The following CCNG2 variants were observed in gnomAD, a reference collection of about 807,000 sequenced individuals.
CCNG2 encodes cyclin-G2.
In CCNG2, 20 loss-of-function variants were observed where a neutral mutation model predicts 36.5. The ratio of observed to expected loss-of-function variants is 0.55; its 90% CI spans 0.39 to 0.80. CCNG2 has a LOEUF of 0.80. CCNG2 is among the 30% of genes least tolerant of loss of function. The pLI, the probability that CCNG2 is intolerant of heterozygous loss-of-function variation, is 0.00. For missense variants in CCNG2, 358 were observed against 390.8 expected, an observed-to-expected ratio of 0.92 and a Z score of 0.71; for synonymous variants, 155 against 140.1, an observed-to-expected ratio of 1.11 and a Z score of -0.75.
At chr4:77,161,880 T>C (rs987081326) in intron 6 of CCNG2, 133 bp downstream of exon 6, 13 of 618,042 alleles carry the variant, frequency 2.1e-5, no homozygotes, top group Non-Finnish European at 2.8e-6. Flanking sequence ...ATATCTCTAG[T>C]GTTAAAGTTC....
Position 77,170,044 on chromosome 4 carries a change from A to G in CCNG2, c.*4120A>G, listed in dbSNP as rs1274543112. The G allele has an allele frequency of 3.3e-5, 5 of 152,218 alleles. No individual in the cohort carries two copies. The highest frequency in any genetic ancestry group is 1.2e-4 in the African/African-American group (5 of 41,448). The allele number at this position is 152,218 out of a possible 1,614,324, so 9.4% of individuals were successfully genotyped here. A position where few individuals can be genotyped will look rare whatever the true frequency, so the allele number is the denominator to read the frequency against. On this transcript the variant is annotated 3_prime_UTR_variant, in exon 8 of 8. Transcript: ENST00000316355. ...TATTAGTGTATTAACAGAATAAAGA[A>G]TGAACTTTAAAACACACACGCTGGT...
At position 77,159,432 on chromosome 4, in the gene CCNG2, C is replaced by T. The variant is rs1731365854; in HGVS notation, c.204C>T (p.Asn68=). 1 of 1,613,918 alleles carries T rather than the reference C, an allele frequency of 6.2e-7. No individual in the cohort carries two copies. The highest frequency in any genetic ancestry group is 1.3e-5 in the African/African-American group (1 of 75,030). Residue 68 remains asparagine (N), a synonymous_variant, in exon 3 of 8, where the codon AAC becomes AAT. Transcript: ENST00000316355. The stretch of plus-strand genomic sequence containing the variant: ...TTGAAGATTTAAGGAGTTTAGCCAA[C>T]TTTTTTGGATCTTGCACTGAAACTT... ...AKVEDLRSLA[N]FFGSCTETFV...
intron 6 of CCNG2, 43 bp from the exon 7 acceptor site, chr4:77,164,231 T>G: frequency 1.4e-6 from 2 of 1,453,264 alleles, no homozygotes; most frequent in Middle Eastern, 1.7e-4. Flanking sequence ...GCAGCAAGAT[T>G]TGGGAGACAT....
Position 77,165,841 on chromosome 4 carries a change from C to G in CCNG2, c.952C>G (p.Leu318Val). 6.2e-7 allele frequency: 1 copy of G among 1,608,364 alleles called. No individual in the cohort carries two copies. Among genetic ancestry groups the G allele is most frequent in the Non-Finnish European group, 8.5e-7 (1 of 1,176,626 alleles). The change falls in exon 8 of 8, where the codon CTC (leucine) becomes GTC (valine). Residue 318 changes from leucine to valine, a missense_variant. Transcript: ENST00000316355. ...CEDMSCGEES[L>V]SSSPPSDQEC... ...AGATATGAGTTGTGGAGAGGAGAGT[C>G]TCAGCAGCTCTCCTCCCAGTGATCA...
At position 77,159,428 on chromosome 4, in the gene CCNG2, C is replaced by T. The variant is rs558158350; in HGVS notation, c.200C>T (p.Ala67Val). The change falls in exon 3 of 8, where the codon GCC becomes GTC. Residue 67 changes from alanine to valine, a missense_variant. Physicochemically the swap from Ala to Val is moderately conservative, Grantham distance 64. Transcript: ENST00000316355. ...AAAGTTGAAGATTTAAGGAGTTTAG[C>T]CAACTTTTTTGGATCTTGCACTGAA... Reference protein sequence around the residue: ...NAKVEDLRSLANFFGSCTETF... With the variant: ...NAKVEDLRSLVNFFGSCTETF... 3.1e-6 allele frequency: 5 copies of T among 1,613,878 alleles called. No individual in the cohort carries two copies. The highest frequency in any genetic ancestry group is 1.7e-4 in the Middle Eastern group (1 of 6,058).
At position 77,167,551 on chromosome 4, in the gene CCNG2, T is replaced by C. The variant is rs929054951; in HGVS notation, c.*1627T>C. The C allele has an allele frequency of 2.0e-5, 3 of 152,192 alleles. No individual in the cohort carries two copies. Among genetic ancestry groups the C allele is most frequent in the Admixed American group, 6.5e-5 (1 of 15,284 alleles). 9.4% of individuals were successfully genotyped at this position (152,192 alleles called of 1,614,324 possible). A position where few individuals can be genotyped will look rare whatever the true frequency, so the allele number is the denominator to read the frequency against. ...TTTCAGGAGACAAAGCAAGTTTTAATCAGTTGTTTGGTTAATAAGTATGGG... is the reference window on the plus strand; with the variant it reads ...TTTCAGGAGACAAAGCAAGTTTTAACCAGTTGTTTGGTTAATAAGTATGGG... On this transcript the variant is annotated 3_prime_UTR_variant, in exon 8 of 8. Transcript: ENST00000316355.
chr4:77,169,768 C>T lies in CCNG2; in HGVS notation c.*3844C>T, dbSNP rs1014889929. The T allele has an allele frequency of 6.6e-6, 1 of 152,176 alleles. No individual in the cohort carries two copies. The highest frequency in any genetic ancestry group is 2.4e-5 in the African/African-American group (1 of 41,448). The allele number at this position is 152,176 out of a possible 1,614,324, so 9.4% of individuals were successfully genotyped here. A position where few individuals can be genotyped will look rare whatever the true frequency, so the allele number is the denominator to read the frequency against. ...TCCCAGCTGAATGTGGGTGTATCCT[C>T]AGCTACACCACAGAAAACAGAGGAA... On this transcript the variant is annotated 3_prime_UTR_variant, in exon 8 of 8. Coordinates refer to ENST00000316355, the MANE Select transcript of CCNG2 (RefSeq NM_004354.3).
chr4:77,161,254 C>T (rs895864934), intron 4 of CCNG2, among the ~76,000 whole-genome samples: 16 of 151,940 alleles, frequency 1.1e-4, no homozygotes, highest in African/African-American at 3.1e-4. Context: ...AGGCGTGCGC[C>T]ACCACACCTG....
intron 6 of CCNG2, among the ~76,000 whole-genome samples, chr4:77,163,611 G>T (rs1456701840): frequency 6.6e-6 from 1 of 152,126 alleles, no homozygotes; most frequent in Non-Finnish European, 1.5e-5. Flanking sequence ...GTGATAGCTG[G>T]AACCATCTTC....
rs1287711142 is a variant in CCNG2 at position 77,169,278 on chromosome 4, T to C, written c.*3354T>C. On this transcript the variant is annotated 3_prime_UTR_variant, in exon 8 of 8. Coordinates refer to ENST00000316355, the MANE Select transcript of CCNG2 (RefSeq NM_004354.3). The stretch of plus-strand genomic sequence containing the variant: ...CCTCCCTCATCACACATGCAAATTG[T>C]CAGCTTATTGAGACAACCCACTTAG... 3 of 152,222 alleles carry C rather than the reference T, an allele frequency of 2.0e-5. No individual in the cohort carries two copies. Among genetic ancestry groups the C allele is most frequent in the Non-Finnish European group, 4.4e-5 (3 of 68,022 alleles). 9.4% of individuals were successfully genotyped at this position (152,222 alleles called of 1,614,324 possible). A position where few individuals can be genotyped will look rare whatever the true frequency, so the allele number is the denominator to read the frequency against.
chr4:77,168,226 G>A lies in CCNG2; in HGVS notation c.*2302G>A, dbSNP rs1163954923. On this transcript the variant is annotated 3_prime_UTR_variant, in exon 8 of 8. Transcript: ENST00000316355. The stretch of plus-strand genomic sequence containing the variant: ...GCTCATCTCCTTTTGCCTGTTTATG[G>A]AGGTCACCAGCCTCTATCATTTGTA... 6.6e-6 allele frequency: 1 copy of A among 152,126 alleles called. No homozygotes were observed. Among genetic ancestry groups the A allele is most frequent in the Non-Finnish European group, 1.5e-5 (1 of 68,030 alleles). The allele number at this position is 152,126 out of a possible 1,614,324, so 9.4% of individuals were successfully genotyped here.
At chr4:77,163,435 A>G (rs1003429489) in intron 6 of CCNG2, among the ~76,000 whole-genome samples, 1 of 152,228 alleles carries the variant, frequency 6.6e-6, no homozygotes, top group African/African-American at 2.4e-5. Context: ...AAACCAGATT[A>G]CAAGTGGGTT....
chr4:77,168,338 G>T lies in CCNG2; in HGVS notation c.*2414G>T, dbSNP rs1731681565. On this transcript the variant is annotated 3_prime_UTR_variant, in exon 8 of 8. Transcript: ENST00000316355. Reference sequence around the variant, plus strand: ...AGACCTGTACTCTTTATCAGCAGAGGTACTGTAATATATTTGTGATCCCTC... The same window carrying T: ...AGACCTGTACTCTTTATCAGCAGAGTTACTGTAATATATTTGTGATCCCTC... 1 of 152,154 alleles carries T rather than the reference G, an allele frequency of 6.6e-6. No homozygotes were observed. Among genetic ancestry groups the T allele is most frequent in the Admixed American group, 6.5e-5 (1 of 15,276 alleles). 9.4% of individuals were successfully genotyped at this position (152,154 alleles called of 1,614,324 possible).
At position 77,169,602 on chromosome 4, in the gene CCNG2, A is replaced by G. The variant is rs2109928735; in HGVS notation, c.*3678A>G. The stretch of plus-strand genomic sequence containing the variant: ...TATGTCCAAGCCTAGGCTTTAAGAG[A>G]CTGGCAGCTTTCCTTTTATCCTTTT... On this transcript the variant is annotated 3_prime_UTR_variant, in exon 8 of 8. Coordinates refer to ENST00000316355, the MANE Select transcript of CCNG2 (RefSeq NM_004354.3). 6.6e-6 allele frequency: 1 copy of G among 152,350 alleles called. No individual in the cohort carries two copies. The highest frequency in any genetic ancestry group is 2.1e-4 in the South Asian group (1 of 4,826). The allele number at this position is 152,350 out of a possible 1,614,324, so 9.4% of individuals were successfully genotyped here. A position where few individuals can be genotyped will look rare whatever the true frequency, so the allele number is the denominator to read the frequency against.
intron 6 of CCNG2, among the ~76,000 whole-genome samples, chr4:77,162,958 C>T (rs1310965153): frequency 2.0e-5 from 3 of 151,762 alleles, no homozygotes; most frequent in African/African-American, 4.8e-5. Flanking sequence ...TCTTGAATGA[C>T]CAAGATTTGT....
intron 2 of CCNG2, 133 bp downstream of exon 2, chr4:77,158,803 A>T: frequency 1.2e-6 from 1 of 830,412 alleles, no homozygotes; most frequent in Non-Finnish European, 1.9e-6. Flanking sequence ...GTACCAAGAT[A>T]AACCTTATTA....
chr4:77,161,820 TTAAG>T, intron 6 of CCNG2, 73 bp downstream of exon 6: 1 of 873,474 alleles, frequency 1.1e-6, no homozygotes, highest in Non-Finnish European at 1.8e-6. Context: ...GACTTAAACA[TTAAG>T]TAATACTTTA....
chr4:77,160,531 TG>T (rs555537901), intron 3 of CCNG2, among the ~76,000 whole-genome samples, 189 bp from the exon 4 acceptor site: 6,523 of 107,210 alleles, frequency 0.061, 215 homozygotes, highest in East Asian at 0.11. Context: ...CCTTTTTTTT[TG>T]GGGGGGGGGG....
At chr4:77,161,626 C>CTT in intron 5 of CCNG2, 23 bp from the exon 6 acceptor site, 1 of 1,563,368 alleles carries the variant, frequency 6.4e-7, no homozygotes, top group Non-Finnish European at 8.7e-7. Flanking sequence ...AAATATTTTT[C>CTT]TTTTTTTTCT....
Sources: allele counts gnomAD v4.1 joint callset (sites outside exome capture counted in the v4.1 genomes callset), GRCh38; gene constraint gnomAD v4.1.1; transcripts MANE v1.5; gene names NCBI Gene and HGNC (gene_info 2026-07-23, HGNC 2026-07-21).